Variants in NCALD observed in about 807,000 individuals in gnomAD.
The protein encoded by NCALD is neurocalcin delta.
In NCALD, 10 loss-of-function variants were observed where a neutral mutation model predicts 18.6. The observed-to-expected ratio is 0.54, with a 90% CI of 0.33 to 0.91. The LOEUF (loss-of-function observed/expected upper bound fraction) is 0.91, where lower values mean the gene tolerates loss of function less well. Ranked by LOEUF, NCALD falls within the 40% of genes least tolerant of loss-of-function variation. The pLI, the probability that NCALD is intolerant of heterozygous loss-of-function variation, is 0.03. For synonymous variants in NCALD, 88 were observed against 87.4 expected (o/e 1.01, Z -0.04); for missense variants, 184 against 247.6 (o/e 0.74, Z 1.72).
chr8:102,038,109 C>T (rs941747930), intron 1 of NCALD, among the ~76,000 whole-genome samples: 1 of 152,082 alleles, frequency 6.6e-6, no homozygotes, highest in African/African-American at 2.4e-5. Flanking sequence ...GGGTTTTATG[C>T]CACATGACTC....
intron 4 of NCALD, among the ~76,000 whole-genome samples, chr8:101,869,818 C>G (rs1815930765): frequency 6.6e-6 from 1 of 152,150 alleles, no homozygotes; most frequent in African/African-American, 2.4e-5. Context: ...AATTAATCCT[C>G]ATATTTATGT....
chr8:101,917,104 C>G (rs1455690464), intron 2 of NCALD, among the ~76,000 whole-genome samples: 1 of 152,026 alleles, frequency 6.6e-6, no homozygotes, highest in African/African-American at 2.4e-5. Context: ...AACTGTAAAG[C>G]AAGTCTCAAT....
intron 1 of NCALD, among the ~76,000 whole-genome samples, chr8:102,053,564 C>T (rs907386066): frequency 5.9e-5 from 9 of 152,106 alleles, no homozygotes; most frequent in African/African-American, 2.2e-4. Flanking sequence ...GTGGAGCAAA[C>T]CGAGACATGA....
chr8:101,809,847 C>T (rs1025827016), intron 4 of NCALD, among the ~76,000 whole-genome samples: 5 of 152,088 alleles, frequency 3.3e-5, no homozygotes, highest in African/African-American at 4.8e-5. Context: ...ACTTGGCCTG[C>T]TCTCTTTTTT....
At chr8:101,827,861 G>A (rs926520544) in intron 4 of NCALD, among the ~76,000 whole-genome samples, 1 of 152,070 alleles carries the variant, frequency 6.6e-6, no homozygotes, top group Admixed American at 6.5e-5. Context: ...AATTGCCTTT[G>A]TAGATAGGTC....
At chr8:101,994,901 C>A (rs1459797998) in intron 2 of NCALD, among the ~76,000 whole-genome samples, 1 of 152,210 alleles carries the variant, frequency 6.6e-6, no homozygotes, top group African/African-American at 2.4e-5. Flanking sequence ...TTTTGCATCT[C>A]ACTTTTTTGT....
intron 1 of NCALD, among the ~76,000 whole-genome samples, chr8:101,770,503 C>T (rs1413012236): frequency 6.6e-6 from 1 of 152,128 alleles, no homozygotes; most frequent in Non-Finnish European, 1.5e-5. Context: ...TTTCAAATGA[C>T]AGATTGACTA....
intron 1 of NCALD, among the ~76,000 whole-genome samples, chr8:102,065,480 A>G (rs1044119975): frequency 2.0e-5 from 3 of 152,204 alleles, no homozygotes; most frequent in African/African-American, 7.2e-5. Context: ...ATGCTTACAA[A>G]TGAAACAGAG....
chr8:101,900,773 G>T (rs1326386414), intron 3 of NCALD, among the ~76,000 whole-genome samples: 1 of 151,772 alleles, frequency 6.6e-6, no homozygotes, highest in East Asian at 1.9e-4. Context: ...ATGGTTTATG[G>T]TATATTTTGG....
intron 1 of NCALD, among the ~76,000 whole-genome samples, chr8:102,075,133 G>A (rs1824301063): frequency 6.6e-6 from 1 of 152,028 alleles, no homozygotes; most frequent in South Asian, 2.1e-4. Context: ...ATATTTAACG[G>A]GGCCTATTGC....
intron 4 of NCALD, among the ~76,000 whole-genome samples, chr8:101,806,107 AAAAT>A (rs1813090557): frequency 6.6e-6 from 1 of 152,158 alleles, no homozygotes; most frequent in Non-Finnish European, 1.5e-5. Context: ...GTGCCCTCTG[AAAAT>A]AAATAGTGAA....
intron 2 of NCALD, chr8:101,975,156 C>A (rs1820375802): frequency 6.6e-6 from 1 of 152,152 alleles, no homozygotes; most frequent in Non-Finnish European, 1.5e-5. Flanking sequence ...TGTTTGAAAA[C>A]CACTTCTCTA....
chr8:101,907,438 T>C (rs1267361086), intron 3 of NCALD, among the ~76,000 whole-genome samples: 2 of 151,962 alleles, frequency 1.3e-5, no homozygotes, highest in African/African-American at 2.4e-5. Context: ...AGAGAAATAA[T>C]ATGTTAAATG....
chr8:101,783,564 A>C (rs1812103255), intron 1 of NCALD, among the ~76,000 whole-genome samples: 1 of 152,240 alleles, frequency 6.6e-6, no homozygotes, highest in Non-Finnish European at 1.5e-5. Context: ...GCAGTTTCTA[A>C]CAATAGAAAA....
At chr8:102,057,364 C>T (rs1823690535) in intron 1 of NCALD, among the ~76,000 whole-genome samples, 1 of 152,038 alleles carries the variant, frequency 6.6e-6, no homozygotes, top group Admixed American at 6.6e-5. Flanking sequence ...TAAACTCAAG[C>T]AGGAAAGAAG....
rs532155822 is a variant in NCALD at position 101,992,610 on chromosome 8, T to C, written c.-157+27627A>G. On this transcript the variant is annotated intron_variant, in intron 2 of 6. Coordinates refer to the NCALD transcript ENST00000311028. ...AGCCATTAACATCTCTCTGTCCCAATTATAAACGGGAATAATAATGGGTTG... is the reference window on the plus strand; with the variant it reads ...AGCCATTAACATCTCTCTGTCCCAACTATAAACGGGAATAATAATGGGTTG... Among the ~76,000 whole-genome samples the C allele has an allele frequency of 2.0e-5, 3 of 152,248 alleles. 1 individual carries two copies. The highest frequency in any genetic ancestry group is 7.2e-5 in the African/African-American group (3 of 41,546).
intron 1 of NCALD, among the ~76,000 whole-genome samples, chr8:102,029,837 A>G (rs1822605168): frequency 6.6e-6 from 1 of 152,202 alleles, no homozygotes; most frequent in African/African-American, 2.4e-5. Flanking sequence ...ACTGCTCTCA[A>G]AGAAGCCTGA....
intron 4 of NCALD, among the ~76,000 whole-genome samples, chr8:101,833,610 G>GTTTTTTTTTTTTTTTTT (rs555031298): frequency 1.1e-4 from 10 of 88,470 alleles, no homozygotes; most frequent in African/African-American, 3.1e-4. Flanking sequence ...TTTGTTTCTT[G>GTTTTTTTTTTTTTTTTT]TTTTTTTTTT....
At chr8:101,753,036 G>A (rs1448220936) in intron 1 of NCALD, among the ~76,000 whole-genome samples, 1 of 151,968 alleles carries the variant, frequency 6.6e-6, no homozygotes, top group Non-Finnish European at 1.5e-5. Context: ...TGTGGCCAAT[G>A]GTACCATGTT....
Sources: allele counts gnomAD v4.1 joint callset (sites outside exome capture counted in the v4.1 genomes callset), GRCh38; gene constraint gnomAD v4.1.1; transcripts MANE v1.5; gene names NCBI Gene and HGNC (gene_info 2026-07-23, HGNC 2026-07-21).